The following DPYD variants were observed in gnomAD, a reference collection of about 807,000 sequenced individuals.
DPYD encodes the protein dihydropyrimidine dehydrogenase [NADP(+)].
DPYD carries 109 observed loss-of-function variants against 116.2 expected under a neutral mutation model. That is an observed-to-expected ratio of 0.94 (90% CI 0.80 to 1.10). DPYD has a LOEUF of 1.10. DPYD is among the 50% of genes least tolerant of loss of function. DPYD has a pLI of 0.00. For missense variants in DPYD, 1,302 were observed against 1,254.5 expected (o/e 1.04, Z -0.57); for synonymous variants, 440 against 432.0 (o/e 1.02, Z -0.23).
At chr1:97,617,269 C>T (rs566255389) in intron 8 of DPYD, among the ~76,000 whole-genome samples, 2 of 152,208 alleles carry the variant, frequency 1.3e-5, no homozygotes, top group East Asian at 1.9e-4. Context: ...CAAGACTGTT[C>T]TAAAATGTCT....
At chr1:97,301,015 C>A (rs979785773) in intron 18 of DPYD, among the ~76,000 whole-genome samples, 7 of 151,960 alleles carry the variant, frequency 4.6e-5, no homozygotes, top group African/African-American at 1.4e-4. Context: ...ATGAAAACAC[C>A]TTTAGGAAGC....
chr1:97,493,285 G>C (rs879723112), intron 13 of DPYD, among the ~76,000 whole-genome samples: 13 of 152,188 alleles, frequency 8.5e-5, no homozygotes, highest in Admixed American at 8.5e-4. Context: ...GCACTGGAGA[G>C]AGGATAATCC....
At chr1:97,395,741 T>C (rs902815949) in intron 14 of DPYD, among the ~76,000 whole-genome samples, 11 of 152,034 alleles carry the variant, frequency 7.2e-5, no homozygotes, top group Non-Finnish European at 1.5e-4. Context: ...CAGTAGAACA[T>C]GGTAGAGGTG....
At chr1:97,571,137 T>G (rs1652865414) in intron 11 of DPYD, among the ~76,000 whole-genome samples, 2 of 151,820 alleles carry the variant, frequency 1.3e-5, no homozygotes, top group Admixed American at 1.3e-4. Context: ...AAGAAATAAA[T>G]ACGATAAGGA....
intron 3 of DPYD, among the ~76,000 whole-genome samples, chr1:97,826,520 T>C (rs1342008597): frequency 1.3e-5 from 2 of 152,128 alleles, no homozygotes; most frequent in African/African-American, 2.4e-5. Flanking sequence ...TAAATAGATA[T>C]AAAAATATAG....
chr1:97,333,170 G>C lies in DPYD; in HGVS notation c.2059-26873C>G, dbSNP rs565973114. On this transcript the variant is annotated intron_variant, in intron 16 of 22. Coordinates refer to ENST00000370192, the MANE Select transcript of DPYD (RefSeq NM_000110.4). The stretch of plus-strand genomic sequence containing the variant: ...TCCCTGGTTTTCAAGCGATTACCCT[G>C]TCTCAGGCTCCCAAGTAGCTGGGAC... Among the ~76,000 whole-genome samples, 4 of 149,088 alleles carry C rather than the reference G, an allele frequency of 2.7e-5. No homozygotes were observed. In the South Asian group the frequency reaches 8.5e-4, roughly 32 times the overall value.
At chr1:97,186,857 A>T (rs1240359233) in intron 20 of DPYD, among the ~76,000 whole-genome samples, 2 of 152,088 alleles carry the variant, frequency 1.3e-5, no homozygotes, top group African/African-American at 4.8e-5. Flanking sequence ...CAAATAAATA[A>T]ATAAAAATAA....
At chr1:97,140,733 TTAAA>T (rs2101693504) in intron 20 of DPYD, among the ~76,000 whole-genome samples, 1 of 152,192 alleles carries the variant, frequency 6.6e-6, no homozygotes, top group African/African-American at 2.4e-5. Flanking sequence ...CAGAGATTGT[TTAAA>T]TAAGAGGAGA....
chr1:97,625,311 A>AACAATTAGAGAATT (rs1656867044), intron 8 of DPYD, among the ~76,000 whole-genome samples: 1 of 150,284 alleles, frequency 6.7e-6, no homozygotes. Context: ...GAAGGATTAC[A>AACAATTAGAGAATT]TGTAAGAAGA....
chr1:97,229,037 A>C lies in DPYD; in HGVS notation c.2442+5815T>G, dbSNP rs567028112. ...ATAGTGAAACCCTGTCTCTACTAAA[A>C]ATACACACACAAAAAAATTAGCCGG... is the stretch of plus-strand genomic sequence containing the variant. On this transcript the variant is annotated intron_variant, in intron 19 of 22. Transcript: ENST00000370192. Among the ~76,000 whole-genome samples, 9 of 151,864 alleles carry C rather than the reference A, an allele frequency of 5.9e-5. No individual in the cohort carries two copies. In the South Asian group the frequency reaches 6.3e-4, roughly 11 times the overall value.
chr1:97,173,221 C>CGCACACACATATAT (rs1557911269), intron 20 of DPYD, among the ~76,000 whole-genome samples: 1 of 123,694 alleles, frequency 8.1e-6, no homozygotes, highest in Non-Finnish European at 1.7e-5. Flanking sequence ...TACACATATA[C>CGCACACACATATAT]GTACATATAT....
chr1:97,466,157 T>C (rs777219438), intron 13 of DPYD, among the ~76,000 whole-genome samples: 2 of 152,210 alleles, frequency 1.3e-5, no homozygotes, highest in Non-Finnish European at 2.9e-5. Context: ...GTTTACAGTG[T>C]AATCAAAATT....
At chr1:97,536,730 A>G (rs1650028752) in intron 12 of DPYD, among the ~76,000 whole-genome samples, 1 of 152,146 alleles carries the variant, frequency 6.6e-6, no homozygotes, top group Non-Finnish European at 1.5e-5. Context: ...CTCTTGCCTC[A>G]CCCAGATTTC....
chr1:97,616,595 C>T (rs185214037), intron 8 of DPYD, among the ~76,000 whole-genome samples: 26 of 152,176 alleles, frequency 1.7e-4, no homozygotes, highest in Admixed American at 1.0e-3. Context: ...ATATTATAAA[C>T]CCAAGAATCA....
At chr1:97,081,702 C>G (rs1254519606) in intron 22 of DPYD, among the ~76,000 whole-genome samples, 10 of 136,488 alleles carry the variant, frequency 7.3e-5, no homozygotes, top group African/African-American at 2.4e-4. Flanking sequence ...TTTTCTTTTT[C>G]TTTTCTTTTC....
At chr1:97,739,983 A>G (rs1664172761) in intron 4 of DPYD, among the ~76,000 whole-genome samples, 1 of 152,112 alleles carries the variant, frequency 6.6e-6, no homozygotes, top group African/African-American at 2.4e-5. Context: ...TTTAGTTAAA[A>G]AAGTCTATTA....
At position 97,301,353 on chromosome 1, in the gene DPYD, T is replaced by G. The variant is rs186558223; in HGVS notation, c.2299+3906A>C. On this transcript the variant is annotated intron_variant, in intron 18 of 22. Coordinates refer to ENST00000370192, the MANE Select transcript of DPYD (RefSeq NM_000110.4). ...TCAAACAAGCATTCAAAATTTGAAG[T>G]TAAGAACAAGAATTTCCTTTCCTTT... is the stretch of plus-strand genomic sequence containing the variant. Among the ~76,000 whole-genome samples, 11 of 152,170 alleles carry G rather than the reference T, an allele frequency of 7.2e-5. No individual in the cohort carries two copies. The East Asian group carries it at 2.1e-3, about 29-fold the overall frequency.
rs1200851956 is a variant in DPYD, at chr1:97,858,531, G to A, written c.150+24733C>T. ...CAGATATTATAAAGATAGTACATCT[G>A]TTTTTCCTGTTTGACTAGTCCCATT... On this transcript the variant is annotated intron_variant, in intron 2 of 22. Coordinates refer to ENST00000370192, the MANE Select transcript of DPYD (RefSeq NM_000110.4). Among the ~76,000 whole-genome samples, 3 of 152,168 alleles carry A rather than the reference G, an allele frequency of 2.0e-5. No individual in the cohort carries two copies. The East Asian group carries it at 5.8e-4, about 29-fold the overall frequency.
intron 2 of DPYD, among the ~76,000 whole-genome samples, chr1:97,844,377 A>T (rs1670188204): frequency 6.6e-6 from 1 of 152,170 alleles, no homozygotes; most frequent in African/African-American, 2.4e-5. Flanking sequence ...TTGCCAGTCA[A>T]TCAACCGTGT....
Sources: allele counts gnomAD v4.1 joint callset (sites outside exome capture counted in the v4.1 genomes callset), GRCh38; gene constraint gnomAD v4.1.1; transcripts MANE v1.5; gene names NCBI Gene and HGNC (gene_info 2026-07-23, HGNC 2026-07-21).